PRSS23: variants seen among roughly 807,000 people sequenced by gnomAD.
The protein encoded by PRSS23 is protease, serine 23.
Under a neutral mutation model 34.7 loss-of-function variants are expected in PRSS23, and 25 were observed. That is an observed-to-expected ratio of 0.72 (90% CI 0.53 to 1.01). PRSS23 has a LOEUF of 1.01. Among genes scored for constraint, PRSS23 ranks in the 50% least tolerant of loss-of-function variants. PRSS23 has a pLI of 0.00. For missense variants in PRSS23, 445 were observed against 475.6 expected (o/e 0.94, Z 0.60); for synonymous variants, 176 against 186.6 (o/e 0.94, Z 0.46).
In PRSS23 at chr11:86,917,630, G is replaced by A. The variant is rs564407556; in HGVS notation, c.207-33586G>A. Among the ~76,000 whole-genome samples the A allele has an allele frequency of 2.5e-3, 378 of 152,294 alleles. 2 individuals are homozygous for A. The highest frequency in any genetic ancestry group is 0.01 in the Middle Eastern group (3 of 294). On this transcript the variant is annotated intron_variant, in intron 2 of 2. Transcript: ENST00000533902. ...CATTACTTGATTTTTTAATTCTAAT[G>A]CTTAAAATCGGACTATCTGATTTGT...
intron 2 of PRSS23, among the ~76,000 whole-genome samples, chr11:86,862,068 G>A (rs1948619659): frequency 6.6e-6 from 1 of 151,846 alleles, no homozygotes; most frequent in Non-Finnish European, 1.5e-5. Context: ...CTGGAAGGGA[G>A]AGGATAATAT....
chr11:86,846,946 G>A (rs1442893653), intron 2 of PRSS23, among the ~76,000 whole-genome samples: 1 of 152,170 alleles, frequency 6.6e-6, no homozygotes, highest in Non-Finnish European at 1.5e-5. Flanking sequence ...TTCCTCCATT[G>A]CTCCCCAGAT....
chr11:86,867,383 A>G (rs774198343), intron 2 of PRSS23, among the ~76,000 whole-genome samples: 3 of 152,218 alleles, frequency 2.0e-5, no homozygotes, highest in Non-Finnish European at 4.4e-5. Context: ...GTGGTTTACA[A>G]CTGTCTCCTA....
intron 2 of PRSS23, among the ~76,000 whole-genome samples, chr11:86,878,370 C>T (rs1565374024): frequency 1.3e-5 from 2 of 152,116 alleles, no homozygotes; most frequent in Admixed American, 6.5e-5. Context: ...CTGCCTGATT[C>T]TCCTGCCTCA....
intron 2 of PRSS23, among the ~76,000 whole-genome samples, chr11:86,879,552 G>T (rs1431965397): frequency 6.7e-4 from 88 of 130,892 alleles, no homozygotes; most frequent in South Asian, 1.1e-3. Flanking sequence ...GAGGTGGGGG[G>T]GTCAGCCCCC....
intron 2 of PRSS23, among the ~76,000 whole-genome samples, chr11:86,940,322 G>A (rs1949198819): frequency 6.6e-6 from 1 of 152,168 alleles, no homozygotes; most frequent in African/African-American, 2.4e-5. Context: ...GGTGTGCAGA[G>A]CAAACAGAAA....
intron 2 of PRSS23, chr11:86,832,913 G>A (rs1948371522): frequency 2.9e-6 from 1 of 345,382 alleles, no homozygotes; most frequent in African/African-American, 2.1e-5. Flanking sequence ...GAGTTGAGAA[G>A]GGTCACAGAA....
chr11:86,951,498 G>A (rs772965455), exon 3 of PRSS23: 1 of 1,614,146 alleles, frequency 6.2e-7, no homozygotes, highest in Non-Finnish European at 8.5e-7. Context: ...TCCTTTTGAA[G>A]ATTTGACCGA....
At chr11:86,829,162 G>A (rs1948329397) in intron 2 of PRSS23, among the ~76,000 whole-genome samples, 1 of 152,120 alleles carries the variant, frequency 6.6e-6, no homozygotes, top group South Asian at 2.1e-4. Flanking sequence ...TTTTCACATA[G>A]TCCCATATTT....
At chr11:86,866,468 C>T (rs1297422033) in intron 2 of PRSS23, among the ~76,000 whole-genome samples, 2 of 152,122 alleles carry the variant, frequency 1.3e-5, no homozygotes, top group African/African-American at 4.8e-5. Context: ...GCAACATCAC[C>T]CTATGACTAA....
chr11:86,806,163 C>A (rs1342043071), intron 1 of PRSS23, among the ~76,000 whole-genome samples: 1 of 152,238 alleles, frequency 6.6e-6, no homozygotes, highest in Non-Finnish European at 1.5e-5. Flanking sequence ...CATAGCACTT[C>A]ACAATCTAGC....
At chr11:86,932,882 G>C (rs1054172502) in intron 2 of PRSS23, 1 of 152,150 alleles carries the variant, frequency 6.6e-6, no homozygotes, top group Non-Finnish European at 1.5e-5. Flanking sequence ...GTAAGGGTTG[G>C]TCACTGTTGT....
intron 2 of PRSS23, among the ~76,000 whole-genome samples, chr11:86,858,426 C>T (rs554818052): frequency 6.6e-6 from 1 of 151,784 alleles, no homozygotes; most frequent in South Asian, 2.1e-4. Flanking sequence ...GTGCACACAA[C>T]CCTGTGATAT....
rs116799513 is a variant in PRSS23, at chr11:86,850,071, A to G, written c.206+26478A>G. ...ACTCAGGACTGGAATATGTTTAACC[A>G]ATGGATACCTGGGCTCCTCCCCTTT... On this transcript the variant is annotated intron_variant, in intron 2 of 2. Transcript: ENST00000533902. Among the ~76,000 whole-genome samples the G allele has an allele frequency of 9.2e-3, 1,406 of 152,330 alleles. 17 individuals carry two copies. Among genetic ancestry groups the G allele is most frequent in the African/African-American group, 0.032 (1,329 of 41,578 alleles).
At chr11:86,848,599 G>A (rs1024370591) in intron 2 of PRSS23, among the ~76,000 whole-genome samples, 7 of 152,132 alleles carry the variant, frequency 4.6e-5, no homozygotes, top group Admixed American at 1.3e-4. Context: ...GCACACCCCC[G>A]TAACTCCGGA....
chr11:86,794,289 T>G (rs1565345780), intron 1 of PRSS23, among the ~76,000 whole-genome samples: 1 of 152,120 alleles, frequency 6.6e-6, no homozygotes. Flanking sequence ...CAAGTTAGAG[T>G]AGATCAGAGA....
At chr11:86,879,672 G>T (rs1242166498) in intron 2 of PRSS23, among the ~76,000 whole-genome samples, 1 of 139,778 alleles carries the variant, frequency 7.2e-6, no homozygotes, top group African/African-American at 2.6e-5. Flanking sequence ...CGGGAAGGAG[G>T]TGGGGGGGTC....
chr11:86,823,796 G>A (rs1276993191), intron 2 of PRSS23, among the ~76,000 whole-genome samples: 1 of 151,986 alleles, frequency 6.6e-6, no homozygotes, highest in East Asian at 1.9e-4. Context: ...CACGAGGTCA[G>A]GAGATCGAGA....
chr11:86,861,342 G>A (rs12285365), intron 2 of PRSS23, among the ~76,000 whole-genome samples: 26,346 of 151,500 alleles, frequency 0.17, 2,458 homozygotes, highest in Non-Finnish European at 0.21. Context: ...TCAATATCTT[G>A]CGCACCGTTT....
Sources: gnomAD v4.1 joint callset for allele counts (sites outside exome capture counted in the v4.1 genomes callset) on GRCh38, gnomAD v4.1.1 for gene constraint, MANE v1.5 for transcripts, NCBI Gene and HGNC (gene_info 2026-07-23, HGNC 2026-07-21) for gene names.